CSPP1: variants seen among roughly 807,000 people sequenced by gnomAD.
The protein encoded by CSPP1 is centrosome and spindle pole associated protein 1, also known as centrosome and spindle pole-associated protein 1.
A neutral mutation model predicts 164.4 loss-of-function variants in CSPP1; 126 were observed. The observed-to-expected ratio is 0.77, with a 90% confidence interval of 0.66 to 0.89. The LOEUF is 0.89. Among genes scored for constraint, CSPP1 ranks in the 40% least tolerant of loss-of-function variants. The probability of loss-of-function intolerance (pLI) is 0.00; values close to 1 mark genes in which losing one functional copy is unlikely to be tolerated. For missense variants in CSPP1, 1,395 were observed against 1,449.8 expected, an observed-to-expected ratio of 0.96 and a Z score of 0.61; for synonymous variants, 472 against 476.7, an observed-to-expected ratio of 0.99 and a Z score of 0.13.
At position 67,150,777 on chromosome 8, in the gene CSPP1, A is replaced by G. The variant is rs1825561390; in HGVS notation, c.2128+842A>G. On this transcript the variant is annotated intron_variant, in intron 18 of 30. Transcript: ENST00000678616. The stretch of plus-strand genomic sequence containing the variant: ...TCTGAAAGATGAAAATTATTCAATT[A>G]TCTTTTTTTGACATACCAGGAAAAG... Among the ~76,000 whole-genome samples the G allele has an allele frequency of 2.6e-5, 4 of 151,910 alleles. No homozygotes were observed. In the South Asian group the frequency reaches 6.2e-4, roughly 24 times the overall value.
chr8:67,194,541 T>C (rs1837337891), intron 30 of CSPP1, among the ~76,000 whole-genome samples: 1 of 152,270 alleles, frequency 6.6e-6, no homozygotes, highest in East Asian at 1.9e-4. Context: ...AACAGGAATA[T>C]ATTTGAGGGA....
chr8:67,103,839 CAAAAAAAAAAA>C (rs757419585), intron 8 of CSPP1, among the ~76,000 whole-genome samples: 1 of 59,730 alleles, frequency 1.7e-5, no homozygotes, highest in Non-Finnish European at 3.7e-5. Context: ...GACTCCCTCT[CAAAAAAAAAAA>C]AAAAAAAAAA....
At chr8:67,154,338 A>G (rs1826270397) in intron 19 of CSPP1, among the ~76,000 whole-genome samples, 1 of 152,004 alleles carries the variant, frequency 6.6e-6, no homozygotes, top group East Asian at 1.9e-4. Flanking sequence ...ATAGTAGTTG[A>G]CTTAATCTTT....
chr8:67,109,922 G>T (rs923621479), intron 9 of CSPP1, among the ~76,000 whole-genome samples: 3 of 152,104 alleles, frequency 2.0e-5, no homozygotes, highest in African/African-American at 7.2e-5. Flanking sequence ...AAAGCTGTCT[G>T]TGCTACTCCC....
intron 7 of CSPP1, among the ~76,000 whole-genome samples, chr8:67,102,608 C>T (rs1041982194): frequency 8.6e-5 from 13 of 152,028 alleles, no homozygotes; most frequent in African/African-American, 2.2e-4. Flanking sequence ...GAAGGTTATA[C>T]GTACAATGAA....
Position 67,104,949 on chromosome 8 carries a change from C to CATAT in CSPP1, c.1023-941_1023-938dup, listed in dbSNP as rs201503845. The stretch of plus-strand genomic sequence containing the variant: ...GCCACTGCTCCCGGTCTTACATGCA[C>CATAT]ATATATATATATATATATTTTTTTT... On this transcript the variant is annotated intron_variant, in intron 8 of 30. Coordinates refer to ENST00000678616, the MANE Select transcript of CSPP1 (RefSeq NM_001382391.1). Among the ~76,000 whole-genome samples, 364 of 83,166 alleles carry CATAT rather than the reference C, an allele frequency of 4.4e-3. 5 individuals are homozygous for CATAT. Among genetic ancestry groups the CATAT allele is most frequent in the Middle Eastern group, 0.015 (2 of 132 alleles). The allele number at this position is 83,166 out of a possible 152,430, so 54.6% of individuals were successfully genotyped here.
At chr8:67,103,885 G>A (rs1334650245) in intron 8 of CSPP1, among the ~76,000 whole-genome samples, 1 of 149,908 alleles carries the variant, frequency 6.7e-6, no homozygotes, top group Non-Finnish European at 1.5e-5. Flanking sequence ...CCTGTGGTGT[G>A]AATTTTTCTT....
intron 14 of CSPP1, 61 bp downstream of exon 14, chr8:67,118,430 T>TTTGTG: frequency 6.4e-7 from 1 of 1,560,738 alleles, no homozygotes; most frequent in Non-Finnish European, 8.8e-7. Context: ...AAATTGTTTT[T>TTTGTG]TTGTGTAAAC....
At position 67,196,606 on chromosome 8, in the gene CSPP1, A is replaced by G. The variant is rs1017610346; in HGVS notation, c.*1013A>G. Among the ~76,000 whole-genome samples, 2 of 152,134 alleles carry G rather than the reference A, an allele frequency of 1.3e-5. No individual in the cohort carries two copies. The highest frequency in any genetic ancestry group is 2.9e-5 in the Non-Finnish European group (2 of 68,012). ...CAAATTTGCCACAATTAAATTACTG[A>G]TATTTTGAGTTTTGGCTACTTGTAA... On this transcript the variant is annotated 3_prime_UTR_variant, in exon 31 of 31. Coordinates refer to ENST00000678616, the MANE Select transcript of CSPP1 (RefSeq NM_001382391.1).
At chr8:67,148,396 C>T (rs1825040347) in intron 17 of CSPP1, among the ~76,000 whole-genome samples, 1 of 152,188 alleles carries the variant, frequency 6.6e-6, no homozygotes, top group African/African-American at 2.4e-5. Flanking sequence ...TCTAGTCTAG[C>T]TGGACTACTT....
In CSPP1 at chr8:67,114,795, A is replaced by G. The variant is rs1215705879; in HGVS notation, c.1287+425A>G. Reference sequence around the variant, plus strand: ...TGTTGGCATGTTAAATTTTGTATTTATGGTTACACTAGTGTGTGACAGACC... The same window carrying G: ...TGTTGGCATGTTAAATTTTGTATTTGTGGTTACACTAGTGTGTGACAGACC... On this transcript the variant is annotated intron_variant, in intron 12 of 30. Transcript: ENST00000678616. 2.6e-5 allele frequency: 4 copies of G among 152,360 alleles called. No homozygotes were observed. In the South Asian group the frequency reaches 6.2e-4, roughly 24 times the overall value. 9.4% of individuals were successfully genotyped at this position (152,360 alleles called of 1,614,324 possible).
intron 30 of CSPP1, among the ~76,000 whole-genome samples, chr8:67,194,992 A>AAAG (rs1467612403): frequency 6.6e-6 from 1 of 152,184 alleles, no homozygotes; most frequent in Non-Finnish European, 1.5e-5. Context: ...AATAAAAAGA[A>AAAG]AAAAGAAAGA....
intron 10 of CSPP1, among the ~76,000 whole-genome samples, chr8:67,112,796 A>G (rs1817136201): frequency 6.6e-6 from 1 of 152,210 alleles, no homozygotes; most frequent in Admixed American, 6.5e-5. Flanking sequence ...CCCTGCTCAA[A>G]AATCTTCAGT....
chr8:67,159,852 T>TTCTTTTTC (rs1554605176), intron 21 of CSPP1, among the ~76,000 whole-genome samples: 1 of 47,596 alleles, frequency 2.1e-5, no homozygotes, highest in Non-Finnish European at 3.5e-5. Flanking sequence ...CTTTCTTTCT[T>TTCTTTTTC]TTTCTTTCTT....
intron 7 of CSPP1, among the ~76,000 whole-genome samples, chr8:67,100,250 A>T (rs1187914901): frequency 6.6e-6 from 1 of 152,168 alleles, no homozygotes; most frequent in African/African-American, 2.4e-5. Context: ...AGAGACCTTA[A>T]CCTTATACAT....
intron 11 of CSPP1, 144 bp from the exon 12 acceptor site, chr8:67,114,185 A>T (rs1418805286): frequency 1.6e-5 from 3 of 184,498 alleles, no homozygotes; most frequent in Non-Finnish European, 3.3e-5. Flanking sequence ...ATACATCTTG[A>T]TCACTTACTT....
intron 4 of CSPP1, among the ~76,000 whole-genome samples, chr8:67,088,757 C>T (rs1346780278): frequency 6.6e-6 from 1 of 151,268 alleles, no homozygotes; most frequent in East Asian, 2.0e-4. Flanking sequence ...ATTAGCCTGG[C>T]GTGGTGGCAG....
At chr8:67,113,034 A>G (rs2129550249) in intron 10 of CSPP1, among the ~76,000 whole-genome samples, 1 of 152,344 alleles carries the variant, frequency 6.6e-6, no homozygotes, top group South Asian at 2.1e-4. Flanking sequence ...TCACAAGGTC[A>G]GGAGATCGAG....
chr8:67,080,728 A>G (rs190054172), intron 3 of CSPP1, among the ~76,000 whole-genome samples: 6 of 152,380 alleles, frequency 3.9e-5, no homozygotes, highest in South Asian at 2.1e-4. Context: ...GTTTTATAGC[A>G]TAAGTATACA....
Sources: gnomAD v4.1 joint callset for allele counts (sites outside exome capture counted in the v4.1 genomes callset) on GRCh38, gnomAD v4.1.1 for gene constraint, MANE v1.5 for transcripts, NCBI Gene and HGNC (gene_info 2026-07-23, HGNC 2026-07-21) for gene names.